The following DCC variants were observed in gnomAD, a reference collection of about 807,000 sequenced individuals.
The protein encoded by DCC is DCC netrin 1 receptor.
A neutral mutation model predicts 172.5 loss-of-function variants in DCC; 58 were observed. That is an observed-to-expected ratio of 0.34 (90% CI 0.27 to 0.42). The LOEUF is 0.42. Ranked by LOEUF, DCC falls within the 10% of genes least tolerant of loss-of-function variation. The pLI is 1.00. For synonymous variants in DCC, 709 were observed against 644.5 expected (o/e 1.10, Z -1.52); for missense variants, 1,740 against 1,791.0 (o/e 0.97, Z 0.51).
At chr18:52,553,266 T>C (rs1284487780) in intron 1 of DCC, among the ~76,000 whole-genome samples, 2 of 152,014 alleles carry the variant, frequency 1.3e-5, no homozygotes, top group East Asian at 3.9e-4. Context: ...GCTGATGGTG[T>C]AATACCAAGG....
intron 1 of DCC, among the ~76,000 whole-genome samples, chr18:52,407,946 C>A (rs977722526): frequency 1.3e-5 from 2 of 152,078 alleles, no homozygotes; most frequent in Non-Finnish European, 2.9e-5. Flanking sequence ...CCATCCAATA[C>A]TAGCCTGTTG....
intron 15 of DCC, among the ~76,000 whole-genome samples, chr18:53,368,628 A>G (rs909400134): frequency 6.6e-6 from 1 of 152,034 alleles, no homozygotes; most frequent in Non-Finnish European, 1.5e-5. Context: ...TAGTGGTATT[A>G]AAAAGGGTCC....
intron 1 of DCC, among the ~76,000 whole-genome samples, chr18:52,734,953 A>G (rs1488225249): frequency 2.0e-5 from 3 of 152,178 alleles, no homozygotes; most frequent in Non-Finnish European, 2.9e-5. Flanking sequence ...AAGCCCTGAT[A>G]CTTGTAAATT....
intron 1 of DCC, among the ~76,000 whole-genome samples, chr18:52,356,793 T>A (rs910517551): frequency 6.6e-6 from 1 of 152,058 alleles, no homozygotes; most frequent in Non-Finnish European, 1.5e-5. Context: ...AAATCATTTT[T>A]TTTTTTTGAG....
chr18:52,823,494 G>A (rs1016242363), intron 2 of DCC, among the ~76,000 whole-genome samples: 2 of 152,028 alleles, frequency 1.3e-5, no homozygotes, highest in Non-Finnish European at 2.9e-5. Context: ...AGTTGTCTTG[G>A]CACGGTGAAG....
At chr18:52,562,239 G>A (rs2033056769) in intron 1 of DCC, among the ~76,000 whole-genome samples, 1 of 152,156 alleles carries the variant, frequency 6.6e-6, no homozygotes, top group East Asian at 1.9e-4. Flanking sequence ...GGCCCTAAAG[G>A]AGGGGAAGAG....
intron 1 of DCC, among the ~76,000 whole-genome samples, chr18:52,732,498 C>A (rs2036658922): frequency 6.6e-6 from 1 of 152,090 alleles, no homozygotes; most frequent in Non-Finnish European, 1.5e-5. Flanking sequence ...TACCTTAGAG[C>A]AGGGGGCAGG....
chr18:52,698,857 C>A (rs2036056815), intron 1 of DCC, among the ~76,000 whole-genome samples: 1 of 151,500 alleles, frequency 6.6e-6, no homozygotes, highest in Non-Finnish European at 1.5e-5. Context: ...GATCCACCCA[C>A]CTTGGCCTCC....
chr18:52,581,209 A>ATCTATCTATCTATCTATCTATCT (rs10529459), intron 1 of DCC, among the ~76,000 whole-genome samples: 2 of 151,990 alleles, frequency 1.3e-5, no homozygotes, highest in African/African-American at 4.8e-5. Context: ...CTATCTATCT[A>ATCTATCTATCTATCTATCTATCT]AATTTGTAGT....
intron 1 of DCC, among the ~76,000 whole-genome samples, chr18:52,491,752 A>G (rs1343671419): frequency 6.6e-6 from 1 of 151,958 alleles, no homozygotes; most frequent in Non-Finnish European, 1.5e-5. Context: ...GAGAAGGGAA[A>G]CTCACGAATG....
rs574817148 is a variant in DCC, at chr18:53,118,167, A to G, written c.1262-39189A>G. On this transcript the variant is annotated intron_variant, in intron 7 of 28. Transcript: ENST00000442544. ...TGTGTTATTTTTTATCAAACAAAAG[A>G]CAAAGAAGGCCCCCAATAATATTTT... Among the ~76,000 whole-genome samples the G allele has an allele frequency of 7.0e-4, 106 of 151,924 alleles. 3 individuals are homozygous for G. The South Asian group carries it at 0.021, about 31-fold the overall frequency.
intron 1 of DCC, among the ~76,000 whole-genome samples, chr18:52,377,714 T>TTC: frequency 6.7e-6 from 1 of 149,868 alleles, no homozygotes; most frequent in South Asian, 2.1e-4. Context: ...TTTTTTTTTT[T>TTC]CTTGAGACAG....
At chr18:53,337,773 T>C (rs1051927733) in intron 14 of DCC, among the ~76,000 whole-genome samples, 1 of 152,204 alleles carries the variant, frequency 6.6e-6, no homozygotes, top group Non-Finnish European at 1.5e-5. Context: ...CTTCTATCTA[T>C]CACTTAAGCT....
At chr18:53,240,032 A>AC (rs1281745243) in intron 12 of DCC, among the ~76,000 whole-genome samples, 2 of 135,644 alleles carry the variant, frequency 1.5e-5, no homozygotes, top group East Asian at 2.4e-4. Context: ...GAGTTAAAAA[A>AC]AAAAAAAAAA....
intron 7 of DCC, among the ~76,000 whole-genome samples, chr18:53,129,184 G>A (rs544127463): frequency 6.6e-6 from 1 of 152,032 alleles, no homozygotes; most frequent in African/African-American, 2.4e-5. Flanking sequence ...ACTGTTCTCA[G>A]CCTCTATATT....
chr18:53,155,970 C>T (rs532290854), intron 7 of DCC, among the ~76,000 whole-genome samples: 1 of 152,068 alleles, frequency 6.6e-6, no homozygotes, highest in Non-Finnish European at 1.5e-5. Flanking sequence ...AACATGTAGA[C>T]AGATACTGAC....
chr18:52,581,187 T>TATCTATCTATCTATC (rs1555699056), intron 1 of DCC, among the ~76,000 whole-genome samples: 3 of 146,452 alleles, frequency 2.0e-5, no homozygotes, highest in African/African-American at 7.6e-5. Context: ...TCTATATATC[T>TATCTATCTATCTATC]TATCTATCTA....
At chr18:52,427,453 C>A (rs1290489795) in intron 1 of DCC, among the ~76,000 whole-genome samples, 4 of 151,472 alleles carry the variant, frequency 2.6e-5, no homozygotes, top group African/African-American at 9.8e-5. Flanking sequence ...AGTTGAAATT[C>A]AGATTTGGAT....
chr18:53,233,378 G>C (rs1252631735), intron 12 of DCC, among the ~76,000 whole-genome samples: 1 of 152,114 alleles, frequency 6.6e-6, no homozygotes, highest in Non-Finnish European at 1.5e-5. Flanking sequence ...GTAATATGCA[G>C]GGATAGATCT....
Sources: allele counts gnomAD v4.1 joint callset (sites outside exome capture counted in the v4.1 genomes callset), GRCh38; gene constraint gnomAD v4.1.1; transcripts MANE v1.5; gene names NCBI Gene and HGNC (gene_info 2026-07-23, HGNC 2026-07-21).